The following PTCD2 variants were observed in gnomAD, a reference collection of about 807,000 sequenced individuals.
The protein encoded by PTCD2 is pentatricopeptide repeat-containing protein 2, mitochondrial.
PTCD2 carries 31 observed loss-of-function variants against 42.6 expected under a neutral mutation model. That is an observed-to-expected ratio of 0.73 (90% confidence interval 0.55 to 0.98). The LOEUF is 0.98. Ranked by LOEUF, PTCD2 falls within the 50% of genes least tolerant of loss-of-function variation. PTCD2 has a pLI of 0.00. For missense variants in PTCD2, 476 were observed against 454.8 expected, an observed-to-expected ratio of 1.05 and a Z score of -0.42; for synonymous variants, 183 against 170.9, an observed-to-expected ratio of 1.07 and a Z score of -0.55.
In PTCD2 at chr5:72,359,807, A is replaced by G. The variant is rs541734250; in HGVS notation, c.*1380A>G. The stretch of plus-strand genomic sequence containing the variant: ...TTAGAATCCAGATTCCTAGTCTAGT[A>G]TCCTTCCCACTGTACCACATTATCT... On this transcript the variant is annotated 3_prime_UTR_variant, in exon 10 of 10. Coordinates refer to ENST00000380639, the MANE Select transcript of PTCD2 (RefSeq NM_024754.5). 1.3e-5 allele frequency: 2 copies of G among 152,270 alleles called. No homozygotes were observed. Among genetic ancestry groups the G allele is most frequent in the African/African-American group, 4.8e-5 (2 of 41,550 alleles). 9.4% of individuals were successfully genotyped at this position (152,270 alleles called of 1,614,324 possible).
At chr5:72,345,558 G>T (rs1383916221) in intron 8 of PTCD2, among the ~76,000 whole-genome samples, 1 of 152,178 alleles carries the variant, frequency 6.6e-6, no homozygotes, top group African/African-American at 2.4e-5. Flanking sequence ...AACAATTTAT[G>T]TTCAGAGTAA....
chr5:72,357,901 G>A (rs932387763), intron 9 of PTCD2, among the ~76,000 whole-genome samples: 11 of 150,892 alleles, frequency 7.3e-5, no homozygotes, highest in African/African-American at 1.7e-4. Flanking sequence ...ACAGTGGCAC[G>A]ATCACAGCTC....
At chr5:72,338,053 T>G (rs1025216079) in intron 6 of PTCD2, among the ~76,000 whole-genome samples, 13 of 152,216 alleles carry the variant, frequency 8.5e-5, no homozygotes, top group Non-Finnish European at 1.3e-4. Flanking sequence ...CCTAATCCCC[T>G]GCAGCATGCA....
Position 72,364,609 on chromosome 5 carries a change from C to T in PTCD2, c.*6182C>T, listed in dbSNP as rs773391827. 6.6e-6 allele frequency: 1 copy of T among 152,130 alleles called. No homozygotes were observed. Among genetic ancestry groups the T allele is most frequent in the Non-Finnish European group, 1.5e-5 (1 of 68,040 alleles). The allele number at this position is 152,130 out of a possible 1,614,324, so 9.4% of individuals were successfully genotyped here. A position where few individuals can be genotyped will look rare whatever the true frequency, so the allele number is the denominator to read the frequency against. ...TTAATATTTTTTGAAAGAGTGATTTCATTAATTAACGGCAGATTTTAGTTA... is the reference window on the plus strand; with the variant it reads ...TTAATATTTTTTGAAAGAGTGATTTTATTAATTAACGGCAGATTTTAGTTA... On this transcript the variant is annotated 3_prime_UTR_variant, in exon 10 of 10. Transcript: ENST00000380639.
At chr5:72,341,506 G>T (rs1752062679) in intron 7 of PTCD2, among the ~76,000 whole-genome samples, 1 of 151,688 alleles carries the variant, frequency 6.6e-6, no homozygotes, top group African/African-American at 2.4e-5. Context: ...TGGAAGGGGG[G>T]AGGATCACTT....
rs777717491 is a variant in PTCD2, at chr5:72,359,538, T to C, written c.*1111T>C. 7 of 152,220 alleles carry C rather than the reference T, an allele frequency of 4.6e-5. No individual in the cohort carries two copies. The highest frequency in any genetic ancestry group is 1.0e-4 in the Non-Finnish European group (7 of 68,034). 9.4% of individuals were successfully genotyped at this position (152,220 alleles called of 1,614,324 possible). ...GGTTGTTGTTCTAAGGCAAGGATTA[T>C]AGAGTCAGAAATTGTAGACTAGGAG... On this transcript the variant is annotated 3_prime_UTR_variant, in exon 10 of 10. Transcript: ENST00000380639.
At chr5:72,333,674 A>G (rs879942518) in intron 4 of PTCD2, among the ~76,000 whole-genome samples, 1 of 152,220 alleles carries the variant, frequency 6.6e-6, no homozygotes, top group Admixed American at 6.5e-5. Flanking sequence ...AGTTCAAGGG[A>G]TTTCTCTGTA....
intron 2 of PTCD2, among the ~76,000 whole-genome samples, chr5:72,324,222 G>A (rs964268937): frequency 2.0e-5 from 3 of 152,184 alleles, no homozygotes; most frequent in Admixed American, 2.0e-4. Context: ...GTCTGTGGCA[G>A]TTGTGTACAT....
chr5:72,338,032 G>A (rs1223607794), intron 6 of PTCD2, among the ~76,000 whole-genome samples: 2 of 152,174 alleles, frequency 1.3e-5, no homozygotes, highest in Non-Finnish European at 2.9e-5. Context: ...CAGCCAGGCT[G>A]CTGTCATAAA....
chr5:72,335,770 C>G (rs919337121), intron 5 of PTCD2, 24 bp from the exon 6 acceptor site: 3 of 1,520,592 alleles, frequency 2.0e-6, no homozygotes, highest in Admixed American at 1.7e-5. Context: ...TCTAACACTG[C>G]GATCCACTCT....
intron 7 of PTCD2, among the ~76,000 whole-genome samples, chr5:72,342,622 G>C (rs1420408860): frequency 6.6e-6 from 1 of 152,106 alleles, no homozygotes; most frequent in African/African-American, 2.4e-5. Flanking sequence ...TGTGGCTTGA[G>C]GTTTCTATGT....
intron 6 of PTCD2, among the ~76,000 whole-genome samples, chr5:72,338,111 C>T (rs1452270180): frequency 1.3e-5 from 2 of 152,180 alleles, no homozygotes; most frequent in African/African-American, 4.8e-5. Flanking sequence ...ATATCACTGA[C>T]ATTCTTGGAT....
At chr5:72,339,904 G>C (rs1168193889) in intron 7 of PTCD2, among the ~76,000 whole-genome samples, 1 of 151,856 alleles carries the variant, frequency 6.6e-6, no homozygotes, top group Non-Finnish European at 1.5e-5. Flanking sequence ...TCTTTGTTTT[G>C]ATCAGGTTTG....
In PTCD2 at chr5:72,338,715, G is replaced by C; in HGVS notation, c.733G>C (p.Val245Leu). 7.5e-6 allele frequency: 12 copies of C among 1,608,534 alleles called. No individual in the cohort carries two copies. The highest frequency in any genetic ancestry group is 1.0e-5 in the Non-Finnish European group (12 of 1,175,034). Residue 245 changes from valine (V) to leucine (L), a missense_variant, in exon 7 of 10, where the codon GTG becomes CTG. Coordinates refer to ENST00000380639, the MANE Select transcript of PTCD2 (RefSeq NM_024754.5). ...CTCCAGGAGAGCATCCTGTTTCGCTGTGGCATTAGCTCTGAATCAGGTAAA... is the reference window on the plus strand; with the variant it reads ...CTCCAGGAGAGCATCCTGTTTCGCTCTGGCATTAGCTCTGAATCAGGTAAA... ...ILSRRASCFA[V>L]ALALNQNEMA...
chr5:72,320,451 T>A lies in PTCD2; in HGVS notation c.69T>A (p.Ile23=), dbSNP rs1285600994. ...GAGTTCTCCTGCAGGCGCTGCAGATTTTGGTGTATCCTGGGGTGGGAGGCT... is the reference window on the plus strand; with the variant it reads ...GAGTTCTCCTGCAGGCGCTGCAGATATTGGTGTATCCTGGGGTGGGAGGCT... The part of the protein sequence containing the change: ...SNRVLLQALQ[I]LVYPGVGGSG... Residue 23 remains isoleucine, a synonymous_variant, in exon 1 of 10, where the codon ATT becomes ATA. Coordinates refer to ENST00000380639, the MANE Select transcript of PTCD2 (RefSeq NM_024754.5). 3 of 1,614,060 alleles carry A rather than the reference T, an allele frequency of 1.9e-6. No homozygotes were observed. The highest frequency in any genetic ancestry group is 2.5e-6 in the Non-Finnish European group (3 of 1,180,012).
intron 8 of PTCD2, among the ~76,000 whole-genome samples, chr5:72,344,521 G>T (rs1000677624): frequency 1.3e-5 from 2 of 151,956 alleles, no homozygotes; most frequent in African/African-American, 4.8e-5. Context: ...TCAAAAAAAA[G>T]AATATGAACT....
rs114306167 is a variant in PTCD2, at chr5:72,327,313, A to G, written c.350+572A>G. The stretch of plus-strand genomic sequence containing the variant: ...TCCTGCTATACCTTTCTGATCCGTT[A>G]TTAAAGTTTCCCATGTCAGAAAGAA... On this transcript the variant is annotated intron_variant, in intron 3 of 9. Transcript: ENST00000380639. Among the ~76,000 whole-genome samples the G allele has an allele frequency of 7.0e-3, 1,070 of 152,228 alleles. 8 individuals carry two copies. Among genetic ancestry groups the G allele is most frequent in the Non-Finnish European group, 9.2e-3 (627 of 68,008 alleles).
chr5:72,343,929 G>C (rs1271679862), intron 8 of PTCD2, among the ~76,000 whole-genome samples: 2 of 152,154 alleles, frequency 1.3e-5, no homozygotes, highest in Non-Finnish European at 2.9e-5. Flanking sequence ...GGAGCTTATA[G>C]TCTCCTGAAA....
chr5:72,346,328 G>A (rs759899092), intron 8 of PTCD2, among the ~76,000 whole-genome samples: 18 of 152,210 alleles, frequency 1.2e-4, no homozygotes, highest in Non-Finnish European at 1.9e-4. Flanking sequence ...ACTGATGAAT[G>A]CCATAAGAAA....
Sources: allele counts gnomAD v4.1 joint callset (sites outside exome capture counted in the v4.1 genomes callset), GRCh38; gene constraint gnomAD v4.1.1; transcripts MANE v1.5; gene names NCBI Gene and HGNC (gene_info 2026-07-23, HGNC 2026-07-21).